The following BLOC1S3 variants were observed in gnomAD, a reference collection of about 807,000 sequenced individuals.
BLOC1S3 encodes biogenesis of lysosomal organelles complex 1 subunit 3.
A neutral mutation model predicts 9.1 loss-of-function variants in BLOC1S3; 7 were observed. That is an observed-to-expected ratio of 0.77 (90% CI 0.44 to 1.45). The LOEUF (loss-of-function observed/expected upper bound fraction) is 1.45, where lower values mean the gene tolerates loss of function less well. Among genes scored for constraint, BLOC1S3 ranks in the 40% most tolerant of loss-of-function variants. The pLI, the probability that BLOC1S3 is intolerant of heterozygous loss-of-function variation, is 0.01. For missense variants in BLOC1S3, 307 were observed against 315.2 expected (o/e 0.97, Z 0.20); for synonymous variants, 145 against 158.4 (o/e 0.92, Z 0.64).
chr19:45,205,477 A>G (rs1392816428), intron 3 of BLOC1S3, among the ~76,000 whole-genome samples: 2 of 152,190 alleles, frequency 1.3e-5, no homozygotes, highest in African/African-American at 4.8e-5. Context: ...ATACACTTTA[A>G]ATAGAAAGAC....
rs1487581109 is a variant in BLOC1S3 at position 45,179,533 on chromosome 19, C to T, written c.237C>T (p.Asp79=). 7 of 1,523,286 alleles carry T rather than the reference C, an allele frequency of 4.6e-6. No homozygotes were observed. In the Admixed American group the frequency reaches 7.9e-5, roughly 17 times the overall value. 94.4% of individuals were successfully genotyped at this position (1,523,286 alleles called of 1,614,324 possible). A position where few individuals can be genotyped will look rare whatever the true frequency, so the allele number is the denominator to read the frequency against. The change falls in exon 2 of 2, where the codon GAC becomes GAT. Residue 79 remains aspartate, a synonymous_variant. Transcript: ENST00000433642. This position sits in a 1 kb window ranked among gnomAD's most constrained non-coding sequence, Gnocchi z 4.6. ...PEPEPTAAPR[D]LPPLVVQRES... ...CGGAACCGACGGCCGCGCCGAGGGA[C>T]CTGCCTCCACTCGTGGTGCAGCGGG...
chr19:45,188,510 G>A (rs79139591), intron 2 of BLOC1S3, among the ~76,000 whole-genome samples: 3 of 150,228 alleles, frequency 2.0e-5, no homozygotes, highest in South Asian at 2.1e-4. Flanking sequence ...CTAGTCACCC[G>A]GATGTGCTGT....
At chr19:45,201,994 C>T (rs1019647517) in intron 2 of BLOC1S3, among the ~76,000 whole-genome samples, 59 of 151,934 alleles carry the variant, frequency 3.9e-4, no homozygotes, top group Admixed American at 2.8e-3. Flanking sequence ...GAGGCCGAGG[C>T]GGGTGGATCA....
chr19:45,194,906 T>C (rs1201039906), intron 2 of BLOC1S3, among the ~76,000 whole-genome samples: 4 of 152,102 alleles, frequency 2.6e-5, no homozygotes, highest in African/African-American at 7.2e-5. Flanking sequence ...CACTAAAAAT[T>C]TGTGAACTCT....
chr19:45,211,148 T>C (rs1254730520), intron 3 of BLOC1S3, among the ~76,000 whole-genome samples: 1 of 151,794 alleles, frequency 6.6e-6, no homozygotes, highest in Non-Finnish European at 1.5e-5. Context: ...GACTGCACAA[T>C]ATTGTTGATT....
chr19:45,182,401 C>G (rs764318465), downstream of BLOC1S3, among the ~76,000 whole-genome samples: 26 of 150,914 alleles, frequency 1.7e-4, no homozygotes, highest in South Asian at 4.2e-4. Context: ...GGCGCAGTTA[C>G]GCATGTCTTT....
Position 45,179,436 on chromosome 19 carries a change from C to A in BLOC1S3, c.140C>A (p.Thr47Lys). 6.6e-7 allele frequency: 1 copy of A among 1,526,328 alleles called. No homozygotes were observed. The highest frequency in any genetic ancestry group is 2.5e-5 in the East Asian group (1 of 40,398). The allele number at this position is 1,526,328 out of a possible 1,614,324, so 94.5% of individuals were successfully genotyped here. A position where few individuals can be genotyped will look rare whatever the true frequency, so the allele number is the denominator to read the frequency against. ...CTGTACCTGGGTCCTTCGGGCCCGACGCGCGGCCGCCCCACGGGGCTGCGG... is the reference window on the plus strand; with the variant it reads ...CTGTACCTGGGTCCTTCGGGCCCGAAGCGCGGCCGCCCCACGGGGCTGCGG... Reference protein sequence around the residue: ...EELYLGPSGPTRGRPTGLRVA... With the variant: ...EELYLGPSGPKRGRPTGLRVA... Residue 47 changes from threonine (T) to lysine (K), a missense_variant, in exon 2 of 2, where the codon ACG becomes AAG. Transcript: ENST00000433642. The surrounding 1 kb of genome is among the most constrained non-coding windows in gnomAD (Gnocchi z 4.6).
intron 2 of BLOC1S3, among the ~76,000 whole-genome samples, chr19:45,188,177 T>C (rs552471618): frequency 2.0e-5 from 3 of 151,734 alleles, no homozygotes; most frequent in Non-Finnish European, 4.4e-5. Flanking sequence ...TGTATGCCAC[T>C]ATGTCCGACT....
downstream of BLOC1S3, among the ~76,000 whole-genome samples, chr19:45,186,635 G>A (rs1037785878): frequency 7.9e-5 from 12 of 152,324 alleles, no homozygotes; most frequent in South Asian, 8.3e-4. Context: ...AACCTGGGAC[G>A]TGGAGGTTGC....
chr19:45,187,986 A>T (rs572668330), intron 2 of BLOC1S3, among the ~76,000 whole-genome samples: 2 of 152,094 alleles, frequency 1.3e-5, no homozygotes, highest in Non-Finnish European at 2.9e-5. Context: ...AAAATGGGGT[A>T]TCCACTCCCT....
At chr19:45,216,795 C>T (rs958147833) in exon 4 of BLOC1S3, 3 of 152,136 alleles carry the variant, frequency 2.0e-5, no homozygotes, top group Non-Finnish European at 4.4e-5. Flanking sequence ...TGCATTCTTT[C>T]TTACATCTGC....
chr19:45,186,137 G>A (rs1285789333), downstream of BLOC1S3, among the ~76,000 whole-genome samples: 2 of 151,882 alleles, frequency 1.3e-5, no homozygotes, highest in African/African-American at 4.8e-5. Context: ...GAAACCTCTG[G>A]CTACTGAGTG....
chr19:45,213,240 G>T, intron 3 of BLOC1S3: 2 of 1,613,266 alleles, frequency 1.2e-6, no homozygotes, highest in South Asian at 2.2e-5. Context: ...GGTCCCGAGG[G>T]GGTGACAGGG....
At chr19:45,194,968 G>A (rs1239077606) in intron 2 of BLOC1S3, among the ~76,000 whole-genome samples, 2 of 142,608 alleles carry the variant, frequency 1.4e-5, no homozygotes, top group East Asian at 4.0e-4. Flanking sequence ...TTTCGCTCTT[G>A]TTGCCCAGGC....
At chr19:45,216,233 G>A (rs1969833603) in intron 3 of BLOC1S3, 1 of 1,606,502 alleles carries the variant, frequency 6.2e-7, no homozygotes, top group African/African-American at 1.3e-5. Context: ...ACCCTCCCAA[G>A]ATTGACCCTG....
intron 3 of BLOC1S3, among the ~76,000 whole-genome samples, chr19:45,213,778 C>T (rs1969804536): frequency 6.6e-6 from 1 of 150,952 alleles, no homozygotes; most frequent in Non-Finnish European, 1.5e-5. Flanking sequence ...AACCCTCTCT[C>T]TACTAAAAAT....
intron 3 of BLOC1S3, among the ~76,000 whole-genome samples, chr19:45,204,068 G>A (rs1305798902): frequency 2.6e-5 from 4 of 151,626 alleles, no homozygotes; most frequent in South Asian, 2.1e-4. Context: ...GTGCAGTGGC[G>A]CAATCTTGGC....
At chr19:45,209,333 G>A (rs963883921) in intron 3 of BLOC1S3, among the ~76,000 whole-genome samples, 7 of 152,248 alleles carry the variant, frequency 4.6e-5, no homozygotes, top group African/African-American at 1.4e-4. Context: ...ACACGCATAA[G>A]CCACTGCGCC....
chr19:45,179,318 C>T lies in BLOC1S3; in HGVS notation c.22C>T (p.Arg8Trp). Residue 8 changes from arginine to tryptophan, a missense_variant, in exon 2 of 2, where the codon CGG becomes TGG. Physicochemically the swap from Arg to Trp is moderately radical, Grantham distance 101. Coordinates refer to ENST00000433642, the MANE Select transcript of BLOC1S3 (RefSeq NM_212550.5). This position sits in a 1 kb window ranked among gnomAD's most constrained non-coding sequence, Gnocchi z 4.6. MASQGRR[R>W]RPLRRPETVV... ...TGCCATGGCGTCCCAGGGTCGTCGGCGGAGGCCCCTGCGGAGGCCGGAGAC... is the reference window on the plus strand; with the variant it reads ...TGCCATGGCGTCCCAGGGTCGTCGGTGGAGGCCCCTGCGGAGGCCGGAGAC... The T allele has an allele frequency of 6.3e-7, 1 of 1,584,148 alleles. No homozygotes were observed. The highest frequency in any genetic ancestry group is 8.5e-7 in the Non-Finnish European group (1 of 1,173,778).
Sources: gnomAD v4.1 joint callset for allele counts (sites outside exome capture counted in the v4.1 genomes callset) on GRCh38, gnomAD v4.1.1 for gene constraint, Gnocchi (gnomAD v3.1) non-coding constraint, MANE v1.5 for transcripts, NCBI Gene and HGNC (gene_info 2026-07-23, HGNC 2026-07-21) for gene names.